CCSER1: variants seen among roughly 807,000 people sequenced by gnomAD.
The protein encoded by CCSER1 is serine-rich coiled-coil domain-containing protein 1.
In CCSER1, 41 loss-of-function variants were observed where a neutral mutation model predicts 82.0. The observed-to-expected ratio is 0.50, with a 90% CI of 0.39 to 0.65. The LOEUF (loss-of-function observed/expected upper bound fraction) is 0.65. CCSER1 is among the 30% of genes least tolerant of loss of function. The probability of loss-of-function intolerance (pLI) is 0.00; values close to 1 mark genes in which losing one functional copy is unlikely to be tolerated. For synonymous variants in CCSER1, 414 were observed against 383.9 expected (o/e 1.08, Z -0.92); for missense variants, 1,119 against 1,064.2 (o/e 1.05, Z -0.72).
intron 1 of CCSER1, among the ~76,000 whole-genome samples, chr4:90,174,025 A>G (rs1732221137): frequency 1.3e-5 from 2 of 152,010 alleles, no homozygotes; most frequent in African/African-American, 4.8e-5. Flanking sequence ...CAATCTACCT[A>G]CATGATTAAA....
intron 9 of CCSER1, among the ~76,000 whole-genome samples, chr4:90,994,165 C>T (rs1341599494): frequency 1.3e-5 from 2 of 150,334 alleles, no homozygotes; most frequent in East Asian, 2.0e-4. Context: ...CATGAATAAC[C>T]ACTGCACTCC....
intron 10 of CCSER1, among the ~76,000 whole-genome samples, chr4:91,283,021 G>T (rs778963092): frequency 7.9e-5 from 12 of 151,804 alleles, no homozygotes; most frequent in Middle Eastern, 3.2e-3. Flanking sequence ...AGATATTCTT[G>T]TCATTTCTAA....
chr4:90,465,465 C>T (rs917746715), intron 4 of CCSER1, among the ~76,000 whole-genome samples: 4 of 151,922 alleles, frequency 2.6e-5, no homozygotes, highest in Non-Finnish European at 4.4e-5. Flanking sequence ...GGACTACAGA[C>T]GTGTGCCACC....
chr4:90,407,157 T>C (rs576290850), intron 4 of CCSER1, among the ~76,000 whole-genome samples: 34 of 152,162 alleles, frequency 2.2e-4, no homozygotes, highest in South Asian at 1.2e-3. Context: ...CCAAATAATC[T>C]CAATTAGAAA....
chr4:90,206,457 C>G (rs1738850275), intron 1 of CCSER1, among the ~76,000 whole-genome samples: 3 of 151,960 alleles, frequency 2.0e-5, no homozygotes, highest in African/African-American at 7.3e-5. Context: ...CATTATTTAC[C>G]CAGCAGTCTT....
At chr4:90,340,390 A>T (rs2153503870) in intron 3 of CCSER1, among the ~76,000 whole-genome samples, 1 of 152,328 alleles carries the variant, frequency 6.6e-6, no homozygotes, top group African/African-American at 2.4e-5. Flanking sequence ...CTGTGTAATG[A>T]GAGACTTTTG....
intron 10 of CCSER1, among the ~76,000 whole-genome samples, chr4:91,124,774 G>A (rs1018323100): frequency 6.6e-6 from 1 of 151,768 alleles, no homozygotes; most frequent in African/African-American, 2.4e-5. Flanking sequence ...AATCAACAAA[G>A]ATTTTTATGG....
At chr4:91,151,900 G>T (rs748131275) in intron 10 of CCSER1, among the ~76,000 whole-genome samples, 1 of 152,116 alleles carries the variant, frequency 6.6e-6, no homozygotes, top group Non-Finnish European at 1.5e-5. Flanking sequence ...CCACCTATGT[G>T]GTCAATTTTG....
chr4:90,369,595 A>T (rs1488261735), intron 3 of CCSER1, among the ~76,000 whole-genome samples: 1 of 152,070 alleles, frequency 6.6e-6, no homozygotes, highest in African/African-American at 2.4e-5. Context: ...TATATCAAAA[A>T]TGCAGTTCAC....
chr4:90,820,260 A>C (rs6833272), intron 8 of CCSER1, among the ~76,000 whole-genome samples: 29,629 of 152,246 alleles, frequency 0.19, 3,575 homozygotes, highest in South Asian at 0.29. Context: ...TCAACTGTCA[A>C]ATAATACCAC....
intron 10 of CCSER1, among the ~76,000 whole-genome samples, chr4:91,111,771 C>T (rs535413675): frequency 2.7e-5 from 4 of 148,782 alleles, no homozygotes; most frequent in South Asian, 2.1e-4. Flanking sequence ...GCTCTTTTCC[C>T]GGGAATCACT....
intron 1 of CCSER1, among the ~76,000 whole-genome samples, chr4:90,257,698 C>T (rs1305619144): frequency 3.3e-5 from 5 of 151,914 alleles, no homozygotes; most frequent in Admixed American, 2.6e-4. Context: ...TGGAAAATTC[C>T]AAGATTTGCT....
intron 5 of CCSER1, among the ~76,000 whole-genome samples, chr4:90,488,602 C>T (rs1300785382): frequency 6.6e-6 from 1 of 151,984 alleles, no homozygotes; most frequent in African/African-American, 2.4e-5. Context: ...ACCAAAATTG[C>T]ATAAGAAATA....
chr4:90,232,688 C>G (rs1171695857), intron 1 of CCSER1, among the ~76,000 whole-genome samples: 1 of 141,834 alleles, frequency 7.1e-6, no homozygotes, highest in African/African-American at 2.7e-5. Context: ...GAACAGGCAA[C>G]CTACAAAATG....
chr4:90,901,662 A>G (rs1724676153), intron 8 of CCSER1, among the ~76,000 whole-genome samples: 2 of 151,950 alleles, frequency 1.3e-5, no homozygotes, highest in Admixed American at 6.6e-5. Context: ...TGTTAGTCTA[A>G]TGGGATTTTC....
intron 1 of CCSER1, among the ~76,000 whole-genome samples, chr4:90,219,528 A>G (rs920773013): frequency 1.3e-5 from 2 of 152,118 alleles, no homozygotes; most frequent in Non-Finnish European, 2.9e-5. Context: ...TCAAATCTAC[A>G]TTATCATTCT....
chr4:91,481,087 T>G (rs1393283850), intron 10 of CCSER1, among the ~76,000 whole-genome samples: 2 of 93,990 alleles, frequency 2.1e-5, no homozygotes, highest in African/African-American at 4.1e-5. Context: ...CACCCCTGCC[T>G]TCCCTTCCCT....
chr4:91,065,356 A>G (rs1720695152), intron 9 of CCSER1, among the ~76,000 whole-genome samples: 1 of 152,194 alleles, frequency 6.6e-6, no homozygotes, highest in African/African-American at 2.4e-5. Flanking sequence ...GTAATATTGT[A>G]CAAAACAGTG....
intron 10 of CCSER1, among the ~76,000 whole-genome samples, chr4:91,402,659 C>T (rs532360877): frequency 6.6e-6 from 1 of 152,262 alleles, no homozygotes; most frequent in South Asian, 2.1e-4. Flanking sequence ...GGAATCCTTT[C>T]CCCATTTCTT....
Sources: allele counts gnomAD v4.1 joint callset (sites outside exome capture counted in the v4.1 genomes callset), GRCh38; gene constraint gnomAD v4.1.1; transcripts MANE v1.5; gene names NCBI Gene and HGNC (gene_info 2026-07-23, HGNC 2026-07-21).